The following GFRA2 variants were observed in gnomAD, a reference collection of about 807,000 sequenced individuals.
GFRA2 encodes GDNF family receptor alpha 2.
GFRA2 carries 17 observed loss-of-function variants against 48.3 expected under a neutral mutation model. The observed-to-expected ratio is 0.35, with a 90% CI of 0.24 to 0.53. GFRA2 has a LOEUF of 0.53. GFRA2 is among the 20% of genes least tolerant of loss of function. The pLI is 0.93. For synonymous variants in GFRA2, 305 were observed against 257.2 expected (o/e 1.19, Z -1.78); for missense variants, 660 against 637.3 (o/e 1.04, Z -0.38).
At position 21,703,041 on chromosome 8, in the gene GFRA2, C is replaced by T. The variant is rs572828704; in HGVS notation, c.1046-64G>A. 657 of 1,027,838 alleles carry T rather than the reference C, an allele frequency of 6.4e-4. 2 individuals are homozygous for T. In the African/African-American group the frequency reaches 0.01, roughly 16 times the overall value. The allele number at this position is 1,027,838 out of a possible 1,614,324, so 63.7% of individuals were successfully genotyped here. A position where few individuals can be genotyped will look rare whatever the true frequency, so the allele number is the denominator to read the frequency against. On this transcript the variant is annotated intron_variant, in intron 6 of 8. Transcript: ENST00000524240. ...CCCACGTCCGTCACTCCTGTCCCTG[C>T]TCCTCACACTCTTCACCCTGACCAC...
At chr8:21,694,363 G>A in intron 8 of GFRA2, 101 bp downstream of exon 8, 1 of 1,138,308 alleles carries the variant, frequency 8.8e-7, no homozygotes, top group African/African-American at 1.5e-5. Context: ...CCCAGCCCAT[G>A]CGATGAGATT....
intron 2 of GFRA2, among the ~76,000 whole-genome samples, chr8:21,804,135 G>A (rs1052690493): frequency 1.3e-5 from 2 of 151,904 alleles, no homozygotes; most frequent in Admixed American, 6.6e-5. Context: ...AAAATCATTC[G>A]CTTTACCACA....
At chr8:21,745,609 AAAGGAGG>A (rs1804967450) in intron 4 of GFRA2, among the ~76,000 whole-genome samples, 2 of 152,178 alleles carry the variant, frequency 1.3e-5, no homozygotes, top group African/African-American at 4.8e-5. Context: ...CAAACCAGGG[AAAGGAGG>A]AAGTGCACCC....
intron 3 of GFRA2, among the ~76,000 whole-genome samples, chr8:21,759,428 G>A (rs1805766174): frequency 7.2e-6 from 1 of 138,788 alleles, no homozygotes; most frequent in South Asian, 2.5e-4. Context: ...GAGGGAAAGA[G>A]GGAAAGAGGG....
At chr8:21,767,541 C>T (rs1806234046) in intron 3 of GFRA2, among the ~76,000 whole-genome samples, 2 of 152,230 alleles carry the variant, frequency 1.3e-5, no homozygotes, top group South Asian at 2.1e-4. Context: ...CAGTTGATGG[C>T]GAAGCCAGGG....
intron 7 of GFRA2, among the ~76,000 whole-genome samples, chr8:21,699,788 G>A (rs953440312): frequency 6.6e-6 from 1 of 152,202 alleles, no homozygotes; most frequent in African/African-American, 2.4e-5. Flanking sequence ...AGGACAGCAG[G>A]GAGTTTCAAT....
intron 3 of GFRA2, among the ~76,000 whole-genome samples, chr8:21,761,811 G>A (rs1420123805): frequency 6.6e-6 from 1 of 152,156 alleles, no homozygotes; most frequent in East Asian, 1.9e-4. Context: ...TTAGCTGGGC[G>A]TGATGGTGCG....
intron 4 of GFRA2, among the ~76,000 whole-genome samples, chr8:21,713,300 T>G (rs2117408396): frequency 6.6e-6 from 1 of 152,044 alleles, no homozygotes; most frequent in South Asian, 2.1e-4. Flanking sequence ...CAAGTGATTC[T>G]CAGCACCCCC....
chr8:21,794,233 CTT>C (rs1159236794), intron 2 of GFRA2, among the ~76,000 whole-genome samples: 1,136 of 66,742 alleles, frequency 0.017, 2 homozygotes, highest in African/African-American at 0.039. Flanking sequence ...CTGAGAGTGA[CTT>C]TTTTTTTTTT....
chr8:21,734,314 C>T lies in GFRA2; in HGVS notation c.794+16274G>A, dbSNP rs562954417. ...GCCAGAAGCCACTGCCAGGGCTCCA[C>T]ACGTATCCAAGCACCCAGCCTTCCT... On this transcript the variant is annotated intron_variant, in intron 4 of 8. Transcript: ENST00000524240. Among the ~76,000 whole-genome samples, 6 of 152,364 alleles carry T rather than the reference C, an allele frequency of 3.9e-5. No homozygotes were observed. The South Asian group carries it at 1.2e-3, about 32-fold the overall frequency.
Position 21,702,986 on chromosome 8 carries a change from G to T in GFRA2, c.1046-9C>A. The T allele has an allele frequency of 6.6e-7, 1 of 1,504,338 alleles. No homozygotes were observed. The highest frequency in any genetic ancestry group is 8.8e-7 in the Non-Finnish European group (1 of 1,130,892). The allele number at this position is 1,504,338 out of a possible 1,614,324, so 93.2% of individuals were successfully genotyped here. On this transcript the variant is annotated splice_polypyrimidine_tract_variant and intron_variant, in intron 6 of 8. Transcript: ENST00000524240. Reference sequence around the variant, plus strand: ...GGCCTGGATGGCGTTCCCTGGGATGGGGGTGAGGGCAGATGCAGAGAAGTC... The same window carrying T: ...GGCCTGGATGGCGTTCCCTGGGATGTGGGTGAGGGCAGATGCAGAGAAGTC...
At chr8:21,763,133 G>A (rs1455181309) in intron 3 of GFRA2, among the ~76,000 whole-genome samples, 1 of 152,040 alleles carries the variant, frequency 6.6e-6, no homozygotes, top group Non-Finnish European at 1.5e-5. Flanking sequence ...TAGCTATGAA[G>A]ACCATTTGCA....
chr8:21,701,730 A>G (rs1353719350), intron 7 of GFRA2, among the ~76,000 whole-genome samples: 2 of 152,246 alleles, frequency 1.3e-5, no homozygotes, highest in Non-Finnish European at 2.9e-5. Flanking sequence ...CCAAGATTTG[A>G]GCAGGCCCCC....
intron 4 of GFRA2, among the ~76,000 whole-genome samples, chr8:21,725,134 T>C (rs767372685): frequency 2.6e-5 from 4 of 152,172 alleles, no homozygotes; most frequent in Admixed American, 6.5e-5. Context: ...GCTTCCATCT[T>C]CAAAGCAGAA....
At chr8:21,747,575 G>A (rs1805068155) in intron 4 of GFRA2, among the ~76,000 whole-genome samples, 1 of 152,094 alleles carries the variant, frequency 6.6e-6, no homozygotes, top group Admixed American at 6.5e-5. Context: ...AGCTTGGTCT[G>A]CAAACCAAAC....
chr8:21,769,069 C>T (rs1030010107), intron 3 of GFRA2: 49 of 477,040 alleles, frequency 1.0e-4, no homozygotes, highest in Middle Eastern at 1.0e-3. Context: ...ACTTGGTCTA[C>T]ATTGCTACTG....
intron 1 of GFRA2, 62 bp from the exon 2 acceptor site, chr8:21,782,961 G>A: frequency 1.4e-6 from 2 of 1,444,924 alleles, no homozygotes; most frequent in Non-Finnish European, 1.9e-6. Context: ...CACCCAAGAT[G>A]CAGGCCTGGG....
intron 3 of GFRA2, among the ~76,000 whole-genome samples, chr8:21,757,641 G>A (rs148915479): frequency 2.0e-5 from 3 of 152,088 alleles, no homozygotes; most frequent in East Asian, 3.9e-4. Context: ...GATTACAGGC[G>A]CCTGCCACCA....
chr8:21,716,591 C>G (rs528763670), intron 4 of GFRA2, among the ~76,000 whole-genome samples: 2 of 152,158 alleles, frequency 1.3e-5, no homozygotes, highest in African/African-American at 4.8e-5. Context: ...GAAAAGACAA[C>G]GGCTATACTG....
Sources: gnomAD v4.1 joint callset for allele counts (sites outside exome capture counted in the v4.1 genomes callset) on GRCh38, gnomAD v4.1.1 for gene constraint, MANE v1.5 for transcripts, NCBI Gene and HGNC (gene_info 2026-07-23, HGNC 2026-07-21) for gene names.